NGLY1: variants seen among roughly 807,000 people sequenced by gnomAD.
NGLY1 encodes peptide-N(4)-(N-acetyl-beta-glucosaminyl)asparagine amidase.
A neutral mutation model predicts 84.6 loss-of-function variants in NGLY1; 68 were observed. The ratio of observed to expected loss-of-function variants is 0.80; its 90% confidence interval spans 0.66 to 0.98. The LOEUF is 0.98. Ranked by LOEUF, NGLY1 falls within the 50% of genes least tolerant of loss-of-function variation. The pLI is 0.00. For missense variants in NGLY1, 779 were observed against 770.2 expected (o/e 1.01, Z -0.14); for synonymous variants, 280 against 275.2 (o/e 1.02, Z -0.17).
chr3:25,755,667 T>C, intron 3 of NGLY1: 1 of 1,477,618 alleles, frequency 6.8e-7, no homozygotes, highest in South Asian at 1.2e-5. Context: ...ATGATGACAA[T>C]GATACTATGT....
intron 3 of NGLY1, among the ~76,000 whole-genome samples, chr3:25,758,215 T>C (rs534833486): frequency 6.4e-4 from 98 of 152,318 alleles, no homozygotes; most frequent in African/African-American, 2.2e-3. Flanking sequence ...CAAAGCCCCT[T>C]AAATTCAAAA....
In NGLY1 at chr3:25,775,930, T is replaced by G. The variant is rs144338141; in HGVS notation, c.246+2644A>C. 2.1e-3 allele frequency among the ~76,000 whole-genome samples: 324 copies of G among 152,370 alleles called. 2 individuals carry two copies. The highest frequency in any genetic ancestry group is 7.5e-3 in the African/African-American group (313 of 41,592). On this transcript the variant is annotated intron_variant, in intron 2 of 11. Coordinates refer to ENST00000280700, the MANE Select transcript of NGLY1 (RefSeq NM_018297.4). Reference sequence around the variant, plus strand: ...TACTCAGATATGTTCATTACACATTTGTATGCTAGCATCAAAATATCACCT... The same window carrying G: ...TACTCAGATATGTTCATTACACATTGGTATGCTAGCATCAAAATATCACCT...
intron 4 of NGLY1, chr3:25,749,362 A>G: frequency 1.7e-6 from 1 of 599,866 alleles, no homozygotes; most frequent in Non-Finnish European, 2.9e-6. Context: ...CCATGAATAA[A>G]TGAATAAATG....
At chr3:25,781,209 C>T (rs1393371761) in intron 1 of NGLY1, among the ~76,000 whole-genome samples, 1 of 152,118 alleles carries the variant, frequency 6.6e-6, no homozygotes, top group Non-Finnish European at 1.5e-5. Flanking sequence ...CCTTGGCCTC[C>T]CACAGTGCTG....
chr3:25,720,135 C>T lies in NGLY1; in HGVS notation c.1668G>A (p.Glu556=). The T allele has an allele frequency of 1.9e-6, 3 of 1,613,874 alleles. No homozygotes were observed. The highest frequency in any genetic ancestry group is 2.5e-6 in the Non-Finnish European group (3 of 1,179,868). The change falls in exon 11 of 12, where the codon GAG becomes GAA. Residue 556 remains glutamate (E), a synonymous_variant. Coordinates refer to ENST00000280700, the MANE Select transcript of NGLY1 (RefSeq NM_018297.4). The stretch of plus-strand genomic sequence containing the variant: ...CTACTTTTAGGCCAACTGACCCACA[C>T]TCAAACTTCCAGGAAATATAAGCAA... ...SSFAYISWKF[E]CGSVGLKVDS...
intron 3 of NGLY1, among the ~76,000 whole-genome samples, chr3:25,752,375 C>T (rs998520188): frequency 1.3e-5 from 2 of 152,044 alleles, no homozygotes; most frequent in East Asian, 3.9e-4. Flanking sequence ...GGTGCCACCA[C>T]CATGCCCAGC....
chr3:25,733,236 AT>A (rs1162733147), intron 8 of NGLY1, among the ~76,000 whole-genome samples: 1 of 152,150 alleles, frequency 6.6e-6, no homozygotes, highest in Non-Finnish European at 1.5e-5. Context: ...ATTATCACTG[AT>A]TGGATTAATG....
At chr3:25,759,864 T>C (rs1164550526) in intron 3 of NGLY1, among the ~76,000 whole-genome samples, 1 of 151,784 alleles carries the variant, frequency 6.6e-6, no homozygotes, top group Non-Finnish European at 1.5e-5. Context: ...TGTCAAATCG[T>C]GGTAATTAAT....
rs1029419173 is a variant in NGLY1 at position 25,722,609 on chromosome 3, T to C, written c.1612-2418A>G. On this transcript the variant is annotated intron_variant, in intron 10 of 11. Coordinates refer to ENST00000280700, the MANE Select transcript of NGLY1 (RefSeq NM_018297.4). The stretch of plus-strand genomic sequence containing the variant: ...CTCTCCAAAGAAAATGTTCTTAAAC[T>C]ACTCAGAGTAGATATGTATAGCCAA... 8.5e-5 allele frequency among the ~76,000 whole-genome samples: 13 copies of C among 152,350 alleles called. No homozygotes were observed. In the East Asian group the frequency reaches 2.1e-3, roughly 25 times the overall value.
intron 4 of NGLY1, chr3:25,749,762 A>G (rs1391494423): frequency 5.4e-6 from 8 of 1,469,304 alleles, no homozygotes; most frequent in Non-Finnish European, 7.5e-6. Flanking sequence ...GCTGATGTGC[A>G]ACAAAACTTA....
chr3:25,744,213 T>C (rs1374136273), intron 4 of NGLY1, among the ~76,000 whole-genome samples: 3 of 152,202 alleles, frequency 2.0e-5, no homozygotes, highest in African/African-American at 7.2e-5. Context: ...ATGTTCTCCA[T>C]CTCATATCTT....
intron 4 of NGLY1, among the ~76,000 whole-genome samples, chr3:25,742,884 CAAAAAAA>C (rs34669504): frequency 1.1e-4 from 7 of 63,316 alleles, no homozygotes; most frequent in South Asian, 8.5e-4. Context: ...CCTTATGTGG[CAAAAAAA>C]AAAAAAAAAA....
chr3:25,719,719 C>G, intron 11 of NGLY1, 84 bp from the exon 12 acceptor site: 1 of 1,068,420 alleles, frequency 9.4e-7, no homozygotes, highest in Non-Finnish European at 1.3e-6. Flanking sequence ...TTTATATAGG[C>G]TGATGTATAA....
At chr3:25,759,735 A>C (rs1238226923) in intron 3 of NGLY1, among the ~76,000 whole-genome samples, 1 of 152,188 alleles carries the variant, frequency 6.6e-6, no homozygotes, top group African/African-American at 2.4e-5. Flanking sequence ...AAAATGTGAA[A>C]TCTGTTGGTT....
intron 1 of NGLY1, chr3:25,789,738 A>C (rs760953567): frequency 1.6e-6 from 2 of 1,214,246 alleles, no homozygotes; most frequent in Non-Finnish European, 2.4e-6. Context: ...ACTGCAGAGA[A>C]TTTCCTTAAT....
intron 1 of NGLY1, among the ~76,000 whole-genome samples, chr3:25,782,506 C>A (rs1388570642): frequency 6.6e-6 from 1 of 152,124 alleles, no homozygotes; most frequent in Non-Finnish European, 1.5e-5. Flanking sequence ...ATCAAACTTG[C>A]CTCCCAATTC....
intron 10 of NGLY1, among the ~76,000 whole-genome samples, chr3:25,728,217 G>T (rs980907597): frequency 6.6e-6 from 1 of 152,076 alleles, no homozygotes; most frequent in African/African-American, 2.4e-5. Flanking sequence ...AAAGAGAAAA[G>T]CAGAGACCTT....
At chr3:25,783,801 G>A (rs917816079), upstream of NGLY1, among the ~76,000 whole-genome samples, 22 of 152,100 alleles carry the variant, frequency 1.4e-4, no homozygotes, top group African/African-American at 5.3e-4. This position sits in a 1 kb window ranked among gnomAD's most constrained non-coding sequence, Gnocchi z 4.5. Context: ...AGGGAGAGGC[G>A]GGGCCTGGGC....
chr3:25,734,241 T>C, intron 7 of NGLY1: 2 of 277,906 alleles, frequency 7.2e-6, no homozygotes, highest in South Asian at 5.7e-5. Context: ...GATTTTTGTA[T>C]TGTTTTAAGT....
Sources: gnomAD v4.1 joint callset for allele counts (sites outside exome capture counted in the v4.1 genomes callset) on GRCh38, gnomAD v4.1.1 for gene constraint, Gnocchi (gnomAD v3.1) non-coding constraint, MANE v1.5 for transcripts, NCBI Gene and HGNC (gene_info 2026-07-23, HGNC 2026-07-21) for gene names.